ATG10: variants seen among roughly 807,000 people sequenced by gnomAD.
ATG10 encodes the protein ubiquitin-like-conjugating enzyme ATG10.
Under a neutral mutation model 32.1 loss-of-function variants are expected in ATG10, and 30 were observed. The observed-to-expected ratio is 0.94, with a 90% CI of 0.70 to 1.27. The LOEUF (loss-of-function observed/expected upper bound fraction) is 1.27, where lower values mean the gene tolerates loss of function less well. ATG10 is among the 50% of genes most tolerant of loss of function. The pLI is 0.00. For missense variants in ATG10, 233 were observed against 262.3 expected, an observed-to-expected ratio of 0.89 and a Z score of 0.77; for synonymous variants, 87 against 91.5, an observed-to-expected ratio of 0.95 and a Z score of 0.28.
At chr5:82,080,986 G>A (rs974277793) in intron 3 of ATG10, among the ~76,000 whole-genome samples, 3 of 152,124 alleles carry the variant, frequency 2.0e-5, no homozygotes, top group Admixed American at 6.5e-5. Flanking sequence ...GATTCTTCCT[G>A]TCCATGAGCA....
intron 2 of ATG10, among the ~76,000 whole-genome samples, chr5:82,016,324 A>G (rs1178740448): frequency 1.3e-5 from 2 of 152,136 alleles, no homozygotes; most frequent in African/African-American, 2.4e-5. Context: ...TCCCAGCACC[A>G]TTTGTTGAAT....
intron 2 of ATG10, among the ~76,000 whole-genome samples, chr5:82,042,706 G>A (rs547331071): frequency 1.3e-5 from 2 of 152,282 alleles, no homozygotes; most frequent in African/African-American, 2.4e-5. Context: ...AGGGGCTACA[G>A]TCCCCATGCA....
chr5:82,100,384 C>T (rs1051454070), intron 3 of ATG10, among the ~76,000 whole-genome samples: 1 of 152,030 alleles, frequency 6.6e-6, no homozygotes, highest in Non-Finnish European at 1.5e-5. Flanking sequence ...CCCACGTTTT[C>T]CCTGCATACG....
chr5:82,187,923 C>T (rs189692926), intron 5 of ATG10, among the ~76,000 whole-genome samples: 46 of 152,278 alleles, frequency 3.0e-4, no homozygotes, highest in Non-Finnish European at 3.1e-4. Context: ...TTTGGCTTTA[C>T]ACCTTGGAGT....
chr5:82,012,619 A>C lies in ATG10; in HGVS notation c.108+24941A>C, dbSNP rs140617290. ...ATATACTTGGCTAATTCCCCATAGT[A>C]GTCTGAGAGCTCCTTGACAGCAAGC... is the stretch of plus-strand genomic sequence containing the variant. On this transcript the variant is annotated intron_variant, in intron 2 of 7. Coordinates refer to ENST00000282185, the MANE Select transcript of ATG10 (RefSeq NM_031482.5). Among the ~76,000 whole-genome samples, 100 of 152,234 alleles carry C rather than the reference A, an allele frequency of 6.6e-4. 1 individual carries two copies. In the East Asian group the frequency reaches 0.018, roughly 27 times the overall value.
intron 4 of ATG10, among the ~76,000 whole-genome samples, chr5:82,176,490 C>T (rs1581772324): frequency 1.3e-5 from 2 of 152,098 alleles, no homozygotes; most frequent in South Asian, 4.1e-4. Flanking sequence ...AAAAGCATGT[C>T]GTTCTGTAAT....
chr5:82,173,567 A>G (rs1191181597), intron 4 of ATG10, among the ~76,000 whole-genome samples: 1 of 152,210 alleles, frequency 6.6e-6, no homozygotes, highest in Admixed American at 6.5e-5. Flanking sequence ...CACTTGTTAT[A>G]TAAATGACCT....
chr5:82,156,133 T>C (rs1341518444), intron 3 of ATG10, among the ~76,000 whole-genome samples: 1 of 138,404 alleles, frequency 7.2e-6, no homozygotes, highest in Non-Finnish European at 1.6e-5. Context: ...GCATTTAGGC[T>C]CCCTCCGAGA....
chr5:82,187,776 C>T (rs887136300), intron 5 of ATG10, among the ~76,000 whole-genome samples: 3 of 151,678 alleles, frequency 2.0e-5, no homozygotes, highest in Admixed American at 6.6e-5. Flanking sequence ...TTAGTAGAGA[C>T]GGGGTTTCAC....
chr5:82,164,625 A>G, intron 4 of ATG10, 88 bp downstream of exon 4: 2 of 1,310,728 alleles, frequency 1.5e-6, no homozygotes, highest in Middle Eastern at 2.4e-4. Context: ...TCCAGAGGAA[A>G]AAAAATAGAG....
chr5:82,041,478 A>G (rs1194870140), intron 2 of ATG10, among the ~76,000 whole-genome samples: 1 of 152,202 alleles, frequency 6.6e-6, no homozygotes, highest in Non-Finnish European at 1.5e-5. Context: ...AATTGGGAAC[A>G]AACTTTGGTA....
intron 5 of ATG10, among the ~76,000 whole-genome samples, chr5:82,249,660 C>G (rs1561378686): frequency 6.6e-6 from 1 of 152,156 alleles, no homozygotes; most frequent in African/African-American, 2.4e-5. Context: ...AGTGACTTTC[C>G]CAATAGCTCA....
intron 3 of ATG10, 44 bp downstream of exon 3, chr5:82,058,646 T>G (rs1763677723): frequency 4.5e-6 from 6 of 1,345,966 alleles, no homozygotes; most frequent in Non-Finnish European, 6.4e-6. Flanking sequence ...CTCCGTAAAG[T>G]ATACATTTAA....
intron 1 of ATG10, among the ~76,000 whole-genome samples, chr5:81,983,544 G>A (rs1452162372): frequency 6.8e-6 from 1 of 146,934 alleles, no homozygotes; most frequent in African/African-American, 2.6e-5. Flanking sequence ...GGATGGGGCC[G>A]CTGGCCGGGC....
At chr5:82,123,833 G>A (rs867897218) in intron 3 of ATG10, among the ~76,000 whole-genome samples, 2 of 151,808 alleles carry the variant, frequency 1.3e-5, no homozygotes, top group South Asian at 4.2e-4. Flanking sequence ...CTAGTCAGGA[G>A]GCTGAGGTGA....
chr5:82,089,951 A>C (rs1764824149), intron 3 of ATG10, among the ~76,000 whole-genome samples: 1 of 152,238 alleles, frequency 6.6e-6, no homozygotes, highest in South Asian at 2.1e-4. Context: ...GAGTCACTGA[A>C]GGGAATATAT....
chr5:81,982,590 AT>A (rs1318760269), intron 1 of ATG10, among the ~76,000 whole-genome samples: 1 of 146,300 alleles, frequency 6.8e-6, no homozygotes, highest in Non-Finnish European at 1.5e-5. Context: ...TTTATTGATC[AT>A]TCTTGGGTGT....
At chr5:82,032,892 G>A (rs897497967) in intron 2 of ATG10, among the ~76,000 whole-genome samples, 2 of 152,206 alleles carry the variant, frequency 1.3e-5, no homozygotes, top group South Asian at 2.1e-4. Context: ...AAGGCCAAGA[G>A]GAGTTTAGAA....
chr5:82,155,169 G>A (rs752185864), intron 3 of ATG10, among the ~76,000 whole-genome samples: 5 of 152,174 alleles, frequency 3.3e-5, no homozygotes, highest in African/African-American at 4.8e-5. Context: ...TTAGGGTAGT[G>A]CTATCTCTTA....
Sources: gnomAD v4.1 joint callset for allele counts (sites outside exome capture counted in the v4.1 genomes callset) on GRCh38, gnomAD v4.1.1 for gene constraint, MANE v1.5 for transcripts, NCBI Gene and HGNC (gene_info 2026-07-23, HGNC 2026-07-21) for gene names.